PKHD1: variants seen among roughly 807,000 people sequenced by gnomAD.
PKHD1 encodes fibrocystin.
PKHD1 carries 291 observed loss-of-function variants against 412.0 expected under a neutral mutation model. The ratio of observed to expected loss-of-function variants is 0.71; its 90% CI spans 0.64 to 0.78. The LOEUF is 0.78. Ranked by LOEUF, PKHD1 falls within the 30% of genes least tolerant of loss-of-function variation. The pLI, the probability that PKHD1 is intolerant of heterozygous loss-of-function variation, is 0.00. For synonymous variants in PKHD1, 1,777 were observed against 1,821.5 expected (o/e 0.98, Z 0.62); for missense variants, 4,825 against 4,950.7 (o/e 0.97, Z 0.76).
chr6:52,017,889 A>T (rs1451224522), intron 33 of PKHD1, among the ~76,000 whole-genome samples: 1 of 152,186 alleles, frequency 6.6e-6, no homozygotes, highest in African/African-American at 2.4e-5. Flanking sequence ...CTTATAATAC[A>T]CTTAAATCTG....
intron 55 of PKHD1, among the ~76,000 whole-genome samples, chr6:51,765,346 A>T (rs1159845668): frequency 6.6e-6 from 1 of 152,100 alleles, no homozygotes; most frequent in Non-Finnish European, 1.5e-5. Context: ...TTTAAACAAA[A>T]ATCAGATTCC....
At chr6:51,859,249 G>A (rs7752859) in intron 48 of PKHD1, among the ~76,000 whole-genome samples, 61,113 of 151,748 alleles carry the variant, frequency 0.4, 13,494 homozygotes, top group East Asian at 0.85. Flanking sequence ...TACCTCGGCC[G>A]GGAGCGGTGG....
intron 52 of PKHD1, among the ~76,000 whole-genome samples, chr6:51,800,212 ACAC>A (rs1762697441): frequency 6.6e-6 from 1 of 152,152 alleles, no homozygotes; most frequent in Non-Finnish European, 1.5e-5. Flanking sequence ...CAAGCACTAA[ACAC>A]CACCATCTTT....
chr6:52,058,726 T>C lies in PKHD1; in HGVS notation c.1234-125A>G, dbSNP rs1039906076. ...GAACTGGTCTGCCTTTTTAACATAT[T>C]AACCCAGTTACCTCAGCCCTGTGGT... On this transcript the variant is annotated intron_variant, in intron 15 of 66. Coordinates refer to ENST00000371117, the MANE Select transcript of PKHD1 (RefSeq NM_138694.4). 4.5e-6 allele frequency: 4 copies of C among 897,260 alleles called. No individual in the cohort carries two copies. In the African/African-American group the frequency reaches 6.5e-5, roughly 15 times the overall value. The allele number at this position is 897,260 out of a possible 1,614,324, so 55.6% of individuals were successfully genotyped here.
chr6:51,982,202 C>G (rs1368587942), intron 35 of PKHD1, among the ~76,000 whole-genome samples: 5 of 31,716 alleles, frequency 1.6e-4, no homozygotes, highest in Admixed American at 4.5e-4. Flanking sequence ...GTCAGCCCCC[C>G]GCCCGGCCAG....
chr6:51,670,946 G>T (rs1280903863), intron 60 of PKHD1, among the ~76,000 whole-genome samples: 1 of 151,762 alleles, frequency 6.6e-6, no homozygotes, highest in Non-Finnish European at 1.5e-5. Flanking sequence ...TCCCTTTGTG[G>T]GTAACCAGAC....
At chr6:51,789,137 A>G (rs1355646165) in intron 53 of PKHD1, among the ~76,000 whole-genome samples, 3 of 152,234 alleles carry the variant, frequency 2.0e-5, no homozygotes, top group African/African-American at 4.8e-5. Context: ...GGCAATGCCA[A>G]TAAGAAAGAG....
At chr6:51,742,676 C>T (rs577011711) in intron 60 of PKHD1, among the ~76,000 whole-genome samples, 2 of 152,094 alleles carry the variant, frequency 1.3e-5, no homozygotes, top group South Asian at 4.2e-4. Flanking sequence ...TGAGTAACCC[C>T]CAAATACACA....
chr6:51,726,531 C>T (rs1031897261), intron 60 of PKHD1, among the ~76,000 whole-genome samples: 2 of 152,168 alleles, frequency 1.3e-5, no homozygotes, highest in Non-Finnish European at 2.9e-5. Context: ...ATGAACTGAC[C>T]TCTGTTCCCT....
chr6:51,622,842 A>C (rs1408732575), intron 66 of PKHD1: 1 of 152,134 alleles, frequency 6.6e-6, no homozygotes. Flanking sequence ...TAAATGTTCT[A>C]AATAGTCAAA....
At chr6:51,887,485 G>A (rs1445099205) in intron 43 of PKHD1, among the ~76,000 whole-genome samples, 1 of 152,118 alleles carries the variant, frequency 6.6e-6, no homozygotes, top group East Asian at 1.9e-4. Context: ...AGTATTGGAG[G>A]TAGGGCCTGG....
intron 6 of PKHD1, among the ~76,000 whole-genome samples, chr6:52,075,047 A>G (rs1811160914): frequency 1.3e-5 from 2 of 152,160 alleles, no homozygotes; most frequent in Admixed American, 6.5e-5. Context: ...TGCCATCTAC[A>G]CAGGAGTTTC....
chr6:52,071,832 G>A (rs1046972164), intron 8 of PKHD1, among the ~76,000 whole-genome samples: 2 of 152,162 alleles, frequency 1.3e-5, no homozygotes, highest in Non-Finnish European at 2.9e-5. Context: ...TGACTTCAAT[G>A]TAAAGCATTC....
chr6:51,706,642 T>G (rs966491345), intron 60 of PKHD1, among the ~76,000 whole-genome samples: 2 of 152,180 alleles, frequency 1.3e-5, no homozygotes, highest in African/African-American at 4.8e-5. Flanking sequence ...CCCTAAACTC[T>G]GTCCCATTTT....
Position 52,083,223 on chromosome 6 carries a change from C to T in PKHD1, c.85G>A (p.Glu29Lys). 6.2e-7 allele frequency: 1 copy of T among 1,612,204 alleles called. No individual in the cohort carries two copies. The highest frequency in any genetic ancestry group is 8.5e-7 in the Non-Finnish European group (1 of 1,178,236). ...CACGTTCCCCCTGCAAGGCTACCTT[C>T]TTCAGGTTCAATATGTAAACTCAGG... is the stretch of plus-strand genomic sequence containing the variant. ...RHLSLHIEPE[E>K]GSLAGGTWIT... is the part of the protein sequence containing the mutation. The change falls in exon 3 of 67, where the codon GAA becomes AAA. Residue 29 changes from glutamate (E) to lysine (K), a missense_variant. By Grantham distance (56) the Glu-to-Lys change is moderately conservative. Transcript: ENST00000371117.
chr6:52,042,031 T>A (rs1804972751), intron 27 of PKHD1, among the ~76,000 whole-genome samples: 1 of 152,174 alleles, frequency 6.6e-6, no homozygotes, highest in Admixed American at 6.5e-5. Context: ...TGCCCTACAC[T>A]CAAACCAATA....
chr6:52,058,210 C>A (rs1336391119), intron 16 of PKHD1, 113 bp downstream of exon 16: 2 of 938,918 alleles, frequency 2.1e-6, no homozygotes, highest in African/African-American at 3.2e-5. Flanking sequence ...ATTTCTTTGA[C>A]AGCAAGGTTA....
chr6:51,889,982 A>G (rs1778853529), intron 43 of PKHD1, among the ~76,000 whole-genome samples: 1 of 151,878 alleles, frequency 6.6e-6, no homozygotes, highest in Non-Finnish European at 1.5e-5. Context: ...TGCAAGTTAT[A>G]TTTATGGTGG....
chr6:51,770,699 G>C (rs1319562282), intron 55 of PKHD1, among the ~76,000 whole-genome samples: 1 of 150,726 alleles, frequency 6.6e-6, no homozygotes, highest in East Asian at 1.9e-4. Context: ...TGGTGATTTG[G>C]AAAGTATATA....
Sources: gnomAD v4.1 joint callset for allele counts (sites outside exome capture counted in the v4.1 genomes callset) on GRCh38, gnomAD v4.1.1 for gene constraint, MANE v1.5 for transcripts, NCBI Gene and HGNC (gene_info 2026-07-23, HGNC 2026-07-21) for gene names.